Variants in IL1RL2 observed in about 807,000 individuals in gnomAD.
The protein encoded by IL1RL2 is interleukin 1 receptor like 2.
A neutral mutation model predicts 66.8 loss-of-function variants in IL1RL2; 68 were observed. That is an observed-to-expected ratio of 1.02 (90% CI 0.84 to 1.25). The LOEUF is 1.25. Among genes scored for constraint, IL1RL2 ranks in the 50% most tolerant of loss-of-function variants. The pLI, the probability that IL1RL2 is intolerant of heterozygous loss-of-function variation, is 0.00. For missense variants in IL1RL2, 729 were observed against 709.3 expected, an observed-to-expected ratio of 1.03 and a Z score of -0.32; for synonymous variants, 305 against 264.6, an observed-to-expected ratio of 1.15 and a Z score of -1.48.
intron 11 of IL1RL2, among the ~76,000 whole-genome samples, chr2:102,237,829 G>A (rs1421413142): frequency 6.6e-6 from 1 of 152,076 alleles, no homozygotes; most frequent in East Asian, 1.9e-4. Flanking sequence ...AGAGTTCAAC[G>A]GCTAAGGGAC....
intron 4 of IL1RL2, among the ~76,000 whole-genome samples, chr2:102,199,365 C>T (rs1688045315): frequency 6.6e-6 from 1 of 152,220 alleles, no homozygotes; most frequent in Non-Finnish European, 1.5e-5. Flanking sequence ...TCCTGACTGC[C>T]TCACCAGTTT....
chr2:102,201,486 A>T, intron 4 of IL1RL2, 70 bp from the exon 5 acceptor site: 1 of 1,422,378 alleles, frequency 7.0e-7, no homozygotes, highest in East Asian at 2.3e-5. Context: ...ACTGTAAATT[A>T]CCTAAATACT....
intron 6 of IL1RL2, among the ~76,000 whole-genome samples, chr2:102,213,871 G>T (rs1413909970): frequency 5.3e-5 from 8 of 152,142 alleles, no homozygotes; most frequent in Non-Finnish European, 1.2e-4. Flanking sequence ...TGAGGTGGGG[G>T]TTGGGGAGAA....
In IL1RL2 at chr2:102,239,562, G is replaced by A; in HGVS notation, c.*321G>A. ...GAGCTCGGAGCATCCCCATGTCATG[G>A]TGGGTGAGATCTGGGGGTATCCCTG... On this transcript the variant is annotated 3_prime_UTR_variant, in exon 12 of 12. Transcript: ENST00000264257. 1 of 323,230 alleles carries A rather than the reference G, an allele frequency of 3.1e-6. No homozygotes were observed. The highest frequency in any genetic ancestry group is 3.2e-5 in the South Asian group (1 of 31,654). The allele number at this position is 323,230 out of a possible 1,614,324, so 20.0% of individuals were successfully genotyped here.
At chr2:102,209,363 T>C (rs775179401) in intron 5 of IL1RL2, among the ~76,000 whole-genome samples, 44 of 152,112 alleles carry the variant, frequency 2.9e-4, no homozygotes, top group Non-Finnish European at 2.8e-4. Flanking sequence ...GGTCCGTGGG[T>C]GGCACGCAAA....
Position 102,239,265 on chromosome 2 carries a change from G to T in IL1RL2, c.*24G>T. ...AAGACTTGCTGGACTGACACCTATG[G>T]CTGGAAGATGACTTGTTTTGCTCCA... On this transcript the variant is annotated 3_prime_UTR_variant, in exon 12 of 12. Transcript: ENST00000264257. The T allele has an allele frequency of 2.5e-6, 4 of 1,609,932 alleles. No homozygotes were observed. Among genetic ancestry groups the T allele is most frequent in the Non-Finnish European group, 3.4e-6 (4 of 1,176,164 alleles).
intron 8 of IL1RL2, among the ~76,000 whole-genome samples, chr2:102,220,504 A>T (rs1394708051): frequency 2.0e-5 from 3 of 152,206 alleles, no homozygotes; most frequent in African/African-American, 7.2e-5. Context: ...TACAGAACTA[A>T]TTGATTATGC....
intron 5 of IL1RL2, among the ~76,000 whole-genome samples, chr2:102,204,252 T>C (rs905914835): frequency 2.6e-5 from 4 of 152,154 alleles, no homozygotes; most frequent in Non-Finnish European, 5.9e-5. Context: ...AGATGCTTGA[T>C]ATTATTCCAA....
chr2:102,241,633 T>C (rs989110332), downstream of IL1RL2, among the ~76,000 whole-genome samples: 3 of 152,244 alleles, frequency 2.0e-5, no homozygotes, highest in Non-Finnish European at 4.4e-5. Context: ...GCATTTACCA[T>C]GTGCCAGACA....
At chr2:102,200,496 T>C (rs977719155) in intron 4 of IL1RL2, among the ~76,000 whole-genome samples, 3 of 152,234 alleles carry the variant, frequency 2.0e-5, no homozygotes, top group African/African-American at 7.2e-5. Context: ...GTTTGCATGT[T>C]GATTTTATCT....
At chr2:102,233,331 C>A (rs1177513016) in intron 10 of IL1RL2, among the ~76,000 whole-genome samples, 1 of 152,068 alleles carries the variant, frequency 6.6e-6, no homozygotes, top group Non-Finnish European at 1.5e-5. Context: ...CTCCTCCCTG[C>A]CCCGCAGTGC....
chr2:102,233,677 C>T (rs556258976), intron 10 of IL1RL2, among the ~76,000 whole-genome samples: 462 of 152,202 alleles, frequency 3.0e-3, no homozygotes, highest in African/African-American at 0.011. Flanking sequence ...TCAGTTGTCT[C>T]ATCTGTAAAA....
chr2:102,227,338 C>A (rs937843548), intron 9 of IL1RL2, among the ~76,000 whole-genome samples: 1 of 152,216 alleles, frequency 6.6e-6, no homozygotes, highest in African/African-American at 2.4e-5. Context: ...GCATCAAGTG[C>A]TTGCTTTGCA....
Position 102,206,322 on chromosome 2 carries a change from G to A in IL1RL2, c.649+4607G>A, listed in dbSNP as rs1005043298. The stretch of plus-strand genomic sequence containing the variant: ...TGCTAGTAGATGTTCTTCAGTGTCT[G>A]GGCATTTAAAAGTTAGGTATTTATT... On this transcript the variant is annotated intron_variant, in intron 5 of 11. Transcript: ENST00000264257. Among the ~76,000 whole-genome samples, 22 of 152,030 alleles carry A rather than the reference G, an allele frequency of 1.4e-4. 1 individual carries two copies. The highest frequency in any genetic ancestry group is 2.6e-4 in the Admixed American group (4 of 15,276).
intron 5 of IL1RL2, among the ~76,000 whole-genome samples, chr2:102,206,477 G>T (rs1362074225): frequency 6.6e-6 from 1 of 152,206 alleles, no homozygotes; most frequent in African/African-American, 2.4e-5. Context: ...TGTGGTTCTT[G>T]CAGACCTGTA....
At chr2:102,204,319 A>T (rs1688519849) in intron 5 of IL1RL2, among the ~76,000 whole-genome samples, 1 of 152,176 alleles carries the variant, frequency 6.6e-6, no homozygotes, top group Admixed American at 6.5e-5. Flanking sequence ...GTCCTTGAGA[A>T]TGATCCATGT....
intron 4 of IL1RL2, among the ~76,000 whole-genome samples, chr2:102,201,281 A>C (rs903379277): frequency 1.8e-4 from 27 of 152,118 alleles, no homozygotes; most frequent in African/African-American, 6.3e-4. Flanking sequence ...AGCCTGTAAA[A>C]TATCCTTTGT....
chr2:102,198,427 A>C (rs572243531), intron 4 of IL1RL2, among the ~76,000 whole-genome samples: 1 of 152,120 alleles, frequency 6.6e-6, no homozygotes, highest in Non-Finnish European at 1.5e-5. Flanking sequence ...AATGTCCCCA[A>C]TTTTGTTTTT....
At chr2:102,230,371 C>T (rs1193517120) in intron 9 of IL1RL2, among the ~76,000 whole-genome samples, 1 of 152,196 alleles carries the variant, frequency 6.6e-6, no homozygotes, top group African/African-American at 2.4e-5. Flanking sequence ...GATCAGTGAC[C>T]TTTATGATTC....
Sources: gnomAD v4.1 joint callset for allele counts (sites outside exome capture counted in the v4.1 genomes callset) on GRCh38, gnomAD v4.1.1 for gene constraint, MANE v1.5 for transcripts, NCBI Gene and HGNC (gene_info 2026-07-23, HGNC 2026-07-21) for gene names.